Variants in LMX1A observed in about 807,000 individuals in gnomAD.
LMX1A encodes the protein LIM homeobox transcription factor 1-alpha.
Under a neutral mutation model 49.1 loss-of-function variants are expected in LMX1A, and 15 were observed. The observed-to-expected ratio is 0.31, with a 90% CI of 0.20 to 0.47. The LOEUF (loss-of-function observed/expected upper bound fraction) is 0.47. LMX1A is among the 20% of genes least tolerant of loss of function. The probability of loss-of-function intolerance (pLI) is 1.00; values close to 1 mark genes in which losing one functional copy is unlikely to be tolerated. For synonymous variants in LMX1A, 167 were observed against 185.7 expected (o/e 0.90, Z 0.82); for missense variants, 372 against 475.8 (o/e 0.78, Z 2.03).
chr1:165,342,667 G>T (rs1050038222), intron 3 of LMX1A, among the ~76,000 whole-genome samples: 3 of 152,008 alleles, frequency 2.0e-5, no homozygotes, highest in Non-Finnish European at 4.4e-5. Flanking sequence ...CAAACAAAGA[G>T]GCAATCCCCA....
intron 4 of LMX1A, among the ~76,000 whole-genome samples, chr1:165,242,791 A>T (rs1473271162): frequency 6.6e-6 from 1 of 151,812 alleles, no homozygotes; most frequent in African/African-American, 2.4e-5. Flanking sequence ...TAAAGATAAC[A>T]TTTAGGCGGG....
At chr1:165,289,520 T>G (rs187212772) in intron 3 of LMX1A, among the ~76,000 whole-genome samples, 1 of 152,306 alleles carries the variant, frequency 6.6e-6, no homozygotes, top group African/African-American at 2.4e-5. Flanking sequence ...ATAATAAGTT[T>G]AAAGTAATTC....
At chr1:165,262,609 T>A (rs1228675974) in intron 3 of LMX1A, among the ~76,000 whole-genome samples, 1 of 152,196 alleles carries the variant, frequency 6.6e-6, no homozygotes, top group East Asian at 1.9e-4. Context: ...TTCTTGAATG[T>A]CCTACACTCC....
intron 3 of LMX1A, among the ~76,000 whole-genome samples, chr1:165,329,576 T>C (rs942980264): frequency 6.6e-6 from 1 of 151,534 alleles, no homozygotes; most frequent in African/African-American, 2.4e-5. Flanking sequence ...CAGAACAATG[T>C]AGTTGAAGGC....
intron 3 of LMX1A, among the ~76,000 whole-genome samples, chr1:165,332,179 T>C (rs1053594043): frequency 1.3e-5 from 2 of 152,044 alleles, no homozygotes; most frequent in African/African-American, 4.8e-5. Flanking sequence ...TAAAATTCTT[T>C]AAAAATTCCA....
chr1:165,243,357 A>G (rs544250892), intron 4 of LMX1A, among the ~76,000 whole-genome samples: 23 of 152,336 alleles, frequency 1.5e-4, no homozygotes, highest in Admixed American at 1.4e-3. Context: ...CCAGGCCCCA[A>G]GCCCCTGCCT....
At position 165,252,027 on chromosome 1, in the gene LMX1A, C is replaced by T. The variant is rs188958736; in HGVS notation, c.264-2387G>A. ...TGTTGTTAAGATGTTAGGCCAGTCTCCTCCAGCAACAAAAATTCTACCATC... is the reference window on the plus strand; with the variant it reads ...TGTTGTTAAGATGTTAGGCCAGTCTTCTCCAGCAACAAAAATTCTACCATC... On this transcript the variant is annotated intron_variant, in intron 3 of 8. Transcript: ENST00000342310. Among the ~76,000 whole-genome samples the T allele has an allele frequency of 9.7e-4, 147 of 152,280 alleles. 1 individual carries two copies. Among genetic ancestry groups the T allele is most frequent in the African/African-American group, 3.5e-3 (145 of 41,554 alleles).
chr1:165,289,894 A>G (rs1654412073), intron 3 of LMX1A, among the ~76,000 whole-genome samples: 1 of 152,228 alleles, frequency 6.6e-6, no homozygotes, highest in Non-Finnish European at 1.5e-5. Flanking sequence ...TCTATGACAT[A>G]GCTCGGTCTA....
intron 3 of LMX1A, among the ~76,000 whole-genome samples, chr1:165,336,599 A>T (rs1219725382): frequency 6.6e-6 from 1 of 152,184 alleles, no homozygotes; most frequent in Non-Finnish European, 1.5e-5. Context: ...AGCCTCTTTA[A>T]CAAATTTGCT....
chr1:165,284,289 T>C (rs1375295846), intron 3 of LMX1A, among the ~76,000 whole-genome samples: 3 of 152,214 alleles, frequency 2.0e-5, no homozygotes, highest in South Asian at 4.1e-4. Flanking sequence ...TTATTAACGG[T>C]ATTGAGATAG....
intron 3 of LMX1A, among the ~76,000 whole-genome samples, chr1:165,333,618 C>A (rs1298311216): frequency 6.6e-6 from 1 of 152,146 alleles, no homozygotes; most frequent in African/African-American, 2.4e-5. Context: ...GTCTCTTCTA[C>A]ACAGTTTTTC....
intron 4 of LMX1A, among the ~76,000 whole-genome samples, chr1:165,247,355 G>A (rs1341528091): frequency 4.6e-5 from 7 of 152,066 alleles, no homozygotes; most frequent in Admixed American, 1.3e-4. Context: ...ACAGGATTTT[G>A]AGGAGGAAGC....
In LMX1A at chr1:165,255,471, T is replaced by A. The variant is rs138546864; in HGVS notation, c.264-5831A>T. Among the ~76,000 whole-genome samples the A allele has an allele frequency of 1.6e-3, 250 of 152,356 alleles. 2 individuals are homozygous for A. Among genetic ancestry groups the A allele is most frequent in the African/African-American group, 5.5e-3 (229 of 41,580 alleles). On this transcript the variant is annotated intron_variant, in intron 3 of 8. Coordinates refer to ENST00000342310, the MANE Select transcript of LMX1A (RefSeq NM_177398.4). ...TTCTGCCACATCCAGGCAGCATGAC[T>A]GGGAGAACACCACTTCATCACTTGC...
intron 3 of LMX1A, among the ~76,000 whole-genome samples, chr1:165,268,558 G>A (rs1397419311): frequency 6.6e-6 from 1 of 152,218 alleles, no homozygotes; most frequent in Non-Finnish European, 1.5e-5. Context: ...TAGTAAGTAA[G>A]GTGGAGGTAT....
At chr1:165,328,075 G>A (rs1238615121) in intron 3 of LMX1A, among the ~76,000 whole-genome samples, 1 of 152,258 alleles carries the variant, frequency 6.6e-6, no homozygotes, top group Non-Finnish European at 1.5e-5. Context: ...TGGAAGGAGA[G>A]ATAAGGAGGA....
chr1:165,301,826 G>A (rs574307980), intron 3 of LMX1A, among the ~76,000 whole-genome samples: 54 of 152,126 alleles, frequency 3.5e-4, no homozygotes, highest in African/African-American at 1.2e-3. Flanking sequence ...TTTATCCCTG[G>A]AAAGCCACTT....
rs370272607 is a variant in LMX1A at position 165,342,496 on chromosome 1, T to A, written c.263+10580A>T. ...ATTCTGCTTGCCTTTTTGTCCTTCT[T>A]CTGGGGGCTGGGGGGAAGAAGAGCT... On this transcript the variant is annotated intron_variant, in intron 3 of 8. Transcript: ENST00000342310. Among the ~76,000 whole-genome samples the A allele has an allele frequency of 2.0e-5, 3 of 151,976 alleles. No homozygotes were observed. The East Asian group carries it at 5.8e-4, about 29-fold the overall frequency.
At chr1:165,205,260 C>T (rs778477647) in intron 8 of LMX1A, among the ~76,000 whole-genome samples, 2 of 152,176 alleles carry the variant, frequency 1.3e-5, no homozygotes, top group Non-Finnish European at 2.9e-5. Context: ...TCTGGGTCCT[C>T]AGGCCCCCGG....
intron 3 of LMX1A, among the ~76,000 whole-genome samples, chr1:165,341,180 T>C (rs79533065): frequency 0.013 from 2,047 of 152,274 alleles, 40 homozygotes; most frequent in African/African-American, 0.042. Flanking sequence ...ACAACACTCA[T>C]AGTGACTTGG....
Sources: gnomAD v4.1 joint callset for allele counts (sites outside exome capture counted in the v4.1 genomes callset) on GRCh38, gnomAD v4.1.1 for gene constraint, MANE v1.5 for transcripts, NCBI Gene and HGNC (gene_info 2026-07-23, HGNC 2026-07-21) for gene names.